The following NIBAN1 variants were observed in gnomAD, a reference collection of about 807,000 sequenced individuals.
NIBAN1 encodes the protein niban apoptosis regulator 1.
A neutral mutation model predicts 75.1 loss-of-function variants in NIBAN1; 81 were observed. The observed-to-expected ratio is 1.08, with a 90% CI of 0.90 to 1.30. The LOEUF (loss-of-function observed/expected upper bound fraction) is 1.30. NIBAN1 is among the 50% of genes most tolerant of loss of function. The probability of loss-of-function intolerance (pLI) is 0.00; values close to 1 mark genes in which losing one functional copy is unlikely to be tolerated. For synonymous variants in NIBAN1, 436 were observed against 424.8 expected (o/e 1.03, Z -0.32); for missense variants, 1,133 against 1,128.1 (o/e 1.00, Z -0.06).
At chr1:184,834,912 G>C (rs1313847095) in intron 5 of NIBAN1, among the ~76,000 whole-genome samples, 1 of 152,048 alleles carries the variant, frequency 6.6e-6, no homozygotes, top group Non-Finnish European at 1.5e-5. Flanking sequence ...TGGTGTTTCA[G>C]TCATGAAGTC....
rs570967888 is a variant in NIBAN1 at position 184,795,180 on chromosome 1, G to A, written c.2584C>T (p.Gln862Ter). The A allele has an allele frequency of 1.9e-6, 3 of 1,614,166 alleles. No individual in the cohort carries two copies. The African/African-American group carries it at 4.0e-5, about 22-fold the overall frequency. The part of the protein sequence containing the change: ...CLSESQVSEE[Q>*]EEMGGQSSAA... ...CTGCTTTGCCCTCCCATCTCTTCTT[G>A]TTCCTCAGAAACCTGGCTCTCACTG... The change falls in exon 14 of 14, where the codon CAA (glutamine) becomes TAA (stop). Residue 862 changes from glutamine (Q) to a stop codon, truncating the protein, a stop_gained. Transcript: ENST00000367511. LOFTEE classifies it low-confidence loss of function (END_TRUNC).
At chr1:184,806,311 C>T (rs911274505) in intron 10 of NIBAN1, among the ~76,000 whole-genome samples, 4 of 152,194 alleles carry the variant, frequency 2.6e-5, no homozygotes, top group Non-Finnish European at 4.4e-5. Flanking sequence ...TGTCATCTCC[C>T]GTGGGCACTC....
chr1:184,861,351 AT>A lies in NIBAN1; in HGVS notation c.601+23281del, dbSNP rs1465627193. Among the ~76,000 whole-genome samples, 8 of 152,176 alleles carry A rather than the reference AT, an allele frequency of 5.3e-5. No homozygotes were observed. In the South Asian group the frequency reaches 1.2e-3, roughly 24 times the overall value. On this transcript the variant is annotated intron_variant, in intron 5 of 13. Transcript: ENST00000367511. ...CACGTATCTCAATTTGTAATTAAAT[AT>A]TTTTTTCTTTATTATTACTAGTTTG...
Position 184,900,381 on chromosome 1 carries a change from C to T in NIBAN1, c.56-1072G>A, listed in dbSNP as rs571198411. Among the ~76,000 whole-genome samples, 6 of 152,280 alleles carry T rather than the reference C, an allele frequency of 3.9e-5. No individual in the cohort carries two copies. The South Asian group carries it at 1.2e-3, about 32-fold the overall frequency. ...CAGTCAAGTCATTCGACTCTCAAGG[C>T]TCCAGAATCCTAACTATAAAGGAAG... On this transcript the variant is annotated intron_variant, in intron 1 of 13. Transcript: ENST00000367511.
intron 1 of NIBAN1, among the ~76,000 whole-genome samples, chr1:184,971,694 G>T (rs72739664): frequency 6.6e-6 from 1 of 152,046 alleles, no homozygotes; most frequent in Non-Finnish European, 1.5e-5. Context: ...TTTTAGGTCA[G>T]TGCTAAAAGC....
At chr1:184,862,136 C>T (rs115946664) in intron 5 of NIBAN1, among the ~76,000 whole-genome samples, 2,497 of 152,126 alleles carry the variant, frequency 0.016, 59 homozygotes, top group African/African-American at 0.056. Context: ...AAAAATCGCC[C>T]GCAGACCTTC....
At chr1:184,842,764 C>CA (rs35757389) in intron 5 of NIBAN1, among the ~76,000 whole-genome samples, 41,611 of 120,494 alleles carry the variant, frequency 0.35, 7,363 homozygotes, top group Non-Finnish European at 0.45. Context: ...AACTCTGTCT[C>CA]AAAAAAAAAA....
In NIBAN1 at chr1:184,798,097, G is replaced by A. The variant is rs1394149347; in HGVS notation, c.1648C>T (p.Leu550Phe). Residue 550 changes from leucine to phenylalanine, a missense_variant, in exon 13 of 14, where the codon CTT becomes TTT. Physicochemically the swap from Leu to Phe is conservative, Grantham distance 22. Transcript: ENST00000367511. ...VYEEILHQIL[L>F]DETLKVIKEA... ...TTCTTACCTTTCAGAGTTTCATCAA[G>A]CAGGATCTGATGTAAAATCTCCTCA... The A allele has an allele frequency of 1.2e-6, 2 of 1,609,556 alleles. No individual in the cohort carries two copies. Among genetic ancestry groups the A allele is most frequent in the East Asian group, 2.2e-5 (1 of 44,798 alleles).
chr1:184,805,050 AGTGCTGGGATTACAGGCGTGAGCCACT>A (rs1338926148), intron 11 of NIBAN1, among the ~76,000 whole-genome samples: 3 of 152,168 alleles, frequency 2.0e-5, no homozygotes, highest in Admixed American at 2.0e-4. Context: ...GGCCTCCCAA[AGTGCTGGGATTACAGGCGTGAGCCACT>A]GTGCCCGGCC....
chr1:184,974,060 G>C (rs974980302), intron 1 of NIBAN1, among the ~76,000 whole-genome samples: 2 of 152,104 alleles, frequency 1.3e-5, no homozygotes, highest in Non-Finnish European at 2.9e-5. Flanking sequence ...CGAAGGCGCC[G>C]GCGTCCCCAC....
chr1:184,883,200 C>T (rs1048658723), intron 5 of NIBAN1, among the ~76,000 whole-genome samples: 14 of 152,158 alleles, frequency 9.2e-5, no homozygotes, highest in African/African-American at 3.1e-4. Flanking sequence ...TGACTCAGCT[C>T]AAATGTCACC....
chr1:184,939,596 C>T (rs1658040692), intron 1 of NIBAN1, among the ~76,000 whole-genome samples: 11 of 152,214 alleles, frequency 7.2e-5, no homozygotes, highest in Admixed American at 7.2e-4. Flanking sequence ...TTAAGAATCA[C>T]TTAAAGCCCC....
intron 5 of NIBAN1, among the ~76,000 whole-genome samples, chr1:184,858,454 A>C (rs1462813184): frequency 6.6e-6 from 1 of 152,168 alleles, no homozygotes; most frequent in Admixed American, 6.5e-5. Flanking sequence ...ATAAGATCTC[A>C]GACTCATGGC....
In NIBAN1 at chr1:184,951,200, C is replaced by T. The variant is rs1658349398; in HGVS notation, c.55+23102G>A. On this transcript the variant is annotated intron_variant, in intron 1 of 13. Coordinates refer to ENST00000367511, the MANE Select transcript of NIBAN1 (RefSeq NM_052966.4). ...CCACAGTCTCCCTGGGCTTCAGTCT[C>T]ACCATCTGCAAATGATAACAGTACC... is the stretch of plus-strand genomic sequence containing the variant. Among the ~76,000 whole-genome samples the T allele has an allele frequency of 3.3e-5, 5 of 152,348 alleles. No homozygotes were observed. In the South Asian group the frequency reaches 1.0e-3, roughly 32 times the overall value.
chr1:184,910,695 G>A (rs234671), intron 1 of NIBAN1, among the ~76,000 whole-genome samples: 8,381 of 152,176 alleles, frequency 0.055, 794 homozygotes, highest in African/African-American at 0.19. Flanking sequence ...TTGAGCCATG[G>A]GATGCCAAGA....
In NIBAN1 at chr1:184,827,560, G is replaced by GTTTTTTTTTTTTTTT. The variant is rs58483276; in HGVS notation, c.718-3819_718-3818insAAAAAAAAAAAAAAA. On this transcript the variant is annotated intron_variant, in intron 6 of 13. Transcript: ENST00000367511. The stretch of plus-strand genomic sequence containing the variant: ...ACATAAGTGACCTAAAAATACTTCA[G>GTTTTTTTTTTTTTTT]TTTTTTTTTTTTTTAATGGGGGGTG... Among the ~76,000 whole-genome samples, 1,103 of 117,594 alleles carry GTTTTTTTTTTTTTTT rather than the reference G, an allele frequency of 9.4e-3. 55 individuals are homozygous for GTTTTTTTTTTTTTTT. Among genetic ancestry groups the GTTTTTTTTTTTTTTT allele is most frequent in the African/African-American group, 0.04 (1,038 of 26,016 alleles). 77.1% of individuals were successfully genotyped at this position (117,594 alleles called of 152,430 possible).
Position 184,795,567 on chromosome 1 carries a change from C to G in NIBAN1, c.2197G>C (p.Asp733His). The change falls in exon 14 of 14, where the codon GAT (aspartate) becomes CAT (histidine). Residue 733 changes from aspartate (D) to histidine (H), a missense_variant. Transcript: ENST00000367511. ...GGAACGTGGCTCTCCCCATTCGTAT[C>G]TTCTTCCATCACTGGAGCAGAGTCC... is the stretch of plus-strand genomic sequence containing the variant. ...PVDSAPVMEE[D>H]TNGESHVPQE... The G allele has an allele frequency of 6.2e-7, 1 of 1,614,188 alleles. No individual in the cohort carries two copies. Among genetic ancestry groups the G allele is most frequent in the Non-Finnish European group, 8.5e-7 (1 of 1,180,050 alleles).
At chr1:184,867,234 A>G (rs936572314) in intron 5 of NIBAN1, among the ~76,000 whole-genome samples, 1 of 151,888 alleles carries the variant, frequency 6.6e-6, no homozygotes, top group Admixed American at 6.6e-5. Flanking sequence ...TCTCAGCTAT[A>G]ATATTGCATT....
At chr1:184,906,121 G>T (rs1657095639) in intron 1 of NIBAN1, among the ~76,000 whole-genome samples, 1 of 151,112 alleles carries the variant, frequency 6.6e-6, no homozygotes, top group Non-Finnish European at 1.5e-5. Context: ...CACACCTGTA[G>T]TTGCAGCTAC....
Sources: allele counts gnomAD v4.1 joint callset (sites outside exome capture counted in the v4.1 genomes callset), GRCh38; gene constraint gnomAD v4.1.1; transcripts MANE v1.5; gene names NCBI Gene and HGNC (gene_info 2026-07-23, HGNC 2026-07-21).